INSC: variants seen among roughly 807,000 people sequenced by gnomAD.
INSC encodes INSC spindle orientation adaptor protein, also known as protein inscuteable homolog.
In INSC, 67 loss-of-function variants were observed where a neutral mutation model predicts 58.6. That is an observed-to-expected ratio of 1.14 (90% CI 0.94 to 1.40). The LOEUF is 1.40. Ranked by LOEUF, INSC falls within the 40% of genes most tolerant of loss-of-function variation. The pLI is 0.00. For missense variants in INSC, 714 were observed against 692.0 expected, an observed-to-expected ratio of 1.03 and a Z score of -0.36; for synonymous variants, 262 against 276.1, an observed-to-expected ratio of 0.95 and a Z score of 0.51.
chr11:15,131,072 CTCTTTT>C (rs891033345), intron 1 of INSC, among the ~76,000 whole-genome samples: 2 of 151,754 alleles, frequency 1.3e-5, no homozygotes, highest in African/African-American at 4.8e-5. Flanking sequence ...AATTATTTTC[CTCTTTT>C]TCTAAGTTTC....
the INSC span, among the ~76,000 whole-genome samples, chr11:15,257,753 G>A: frequency 6.6e-6 from 1 of 152,082 alleles, no homozygotes; most frequent in African/African-American, 2.4e-5. Flanking sequence ...TATGCCGCCC[G>A]GAGTCAAAGA....
intron 3 of INSC, 130 bp downstream of exon 3, chr11:15,176,216 G>A (rs985125237): frequency 1.4e-6 from 1 of 740,042 alleles, no homozygotes; most frequent in Non-Finnish European, 2.1e-6. Flanking sequence ...AGTAAAGGAG[G>A]AAAGAAAGAG....
chr11:15,130,906 CT>C (rs559449247), intron 1 of INSC, among the ~76,000 whole-genome samples: 105 of 152,074 alleles, frequency 6.9e-4, no homozygotes, highest in African/African-American at 2.4e-3. Flanking sequence ...TTTGTTTCCT[CT>C]TTTTTCTGAT....
At chr11:15,268,150 A>G in the INSC span, among the ~76,000 whole-genome samples, 6 of 152,132 alleles carry the variant, frequency 3.9e-5, no homozygotes, top group South Asian at 1.2e-3. Context: ...GAGAGAATTT[A>G]CTGTCCCACA....
At chr11:15,133,790 C>G (rs2133709729) in intron 1 of INSC, among the ~76,000 whole-genome samples, 1 of 152,326 alleles carries the variant, frequency 6.6e-6, no homozygotes, top group East Asian at 1.9e-4. Flanking sequence ...CTTTTGGCCT[C>G]TCCAGATTTC....
chr11:15,251,214 A>T (rs963243418), downstream of INSC, among the ~76,000 whole-genome samples: 3 of 152,224 alleles, frequency 2.0e-5, no homozygotes, highest in Admixed American at 2.0e-4. Flanking sequence ...TGCAAAAGTA[A>T]TCCAACTGGA....
At chr11:15,205,331 G>T (rs1420321515) in intron 7 of INSC, among the ~76,000 whole-genome samples, 1 of 152,168 alleles carries the variant, frequency 6.6e-6, no homozygotes, top group Non-Finnish European at 1.5e-5. Context: ...TATTACAGTG[G>T]AGAGACTGAG....
At chr11:15,226,017 C>T (rs1851624919) in intron 9 of INSC, among the ~76,000 whole-genome samples, 189 bp downstream of exon 9, 1 of 152,194 alleles carries the variant, frequency 6.6e-6, no homozygotes. Context: ...CTCCTACCCT[C>T]TTTGCCCATC....
At chr11:15,154,675 A>G (rs1046501547) in intron 2 of INSC, among the ~76,000 whole-genome samples, 5 of 152,206 alleles carry the variant, frequency 3.3e-5, no homozygotes, top group Non-Finnish European at 5.9e-5. Flanking sequence ...GTGTTCTTGG[A>G]CAATTTTTCT....
At chr11:15,234,543 C>T (rs965614112) in intron 9 of INSC, among the ~76,000 whole-genome samples, 1 of 152,210 alleles carries the variant, frequency 6.6e-6, no homozygotes, top group African/African-American at 2.4e-5. Flanking sequence ...ACTGCTGTCT[C>T]AGCGGAGGGG....
chr11:15,268,765 A>G, the INSC span, among the ~76,000 whole-genome samples: 1 of 152,214 alleles, frequency 6.6e-6, no homozygotes, highest in African/African-American at 2.4e-5. Context: ...TGTATGTTTC[A>G]GTTCCTCAGT....
chr11:15,259,413 A>G, the INSC span, among the ~76,000 whole-genome samples: 1 of 152,236 alleles, frequency 6.6e-6, no homozygotes, highest in Non-Finnish European at 1.5e-5. Context: ...AGATAATAAT[A>G]GAGTTAAATA....
chr11:15,141,712 C>A (rs1472861642), intron 1 of INSC, among the ~76,000 whole-genome samples: 1 of 152,044 alleles, frequency 6.6e-6, no homozygotes, highest in African/African-American at 2.4e-5. Context: ...ACTATTGCCA[C>A]CCTTGCACAG....
intron 1 of INSC, among the ~76,000 whole-genome samples, chr11:15,148,496 C>T (rs1848550903): frequency 6.6e-6 from 1 of 152,186 alleles, no homozygotes; most frequent in Non-Finnish European, 1.5e-5. Context: ...GGAGAAAGAA[C>T]GCTTTTCCTA....
intron 7 of INSC, among the ~76,000 whole-genome samples, chr11:15,218,839 GC>G (rs775355558): frequency 2.6e-5 from 4 of 152,138 alleles, no homozygotes; most frequent in Non-Finnish European, 5.9e-5. Flanking sequence ...AATTGCCTTT[GC>G]TCACAATAGC....
chr11:15,141,303 C>T (rs989016102), intron 1 of INSC, among the ~76,000 whole-genome samples: 2 of 152,170 alleles, frequency 1.3e-5, no homozygotes, highest in African/African-American at 2.4e-5. Context: ...TCCAATTAAT[C>T]AGGTGGAGGC....
At position 15,157,691 on chromosome 11, in the gene INSC, C is replaced by T. The variant is rs184062836; in HGVS notation, c.56+8461C>T. 5.9e-5 allele frequency among the ~76,000 whole-genome samples: 9 copies of T among 152,264 alleles called. No individual in the cohort carries two copies. In the East Asian group the frequency reaches 1.5e-3, roughly 26 times the overall value. ...ATGTTCAGCACTAACACAGTCCAAACCTTAATGAGCCACAGTCCCTAGACT... is the reference window on the plus strand; with the variant it reads ...ATGTTCAGCACTAACACAGTCCAAATCTTAATGAGCCACAGTCCCTAGACT... On this transcript the variant is annotated intron_variant, in intron 2 of 12. Transcript: ENST00000379556.
At chr11:15,228,433 C>T (rs1851723693) in intron 9 of INSC, among the ~76,000 whole-genome samples, 1 of 152,188 alleles carries the variant, frequency 6.6e-6, no homozygotes, top group African/African-American at 2.4e-5. Context: ...ACTCCACTGT[C>T]TGAGCCAGGC....
At chr11:15,177,256 G>A in intron 4 of INSC, 93 bp downstream of exon 4, 1 of 929,352 alleles carries the variant, frequency 1.1e-6, no homozygotes, top group Non-Finnish European at 1.8e-6. Flanking sequence ...GAATGGGAAT[G>A]GGAGGCGTGG....
Sources: allele counts gnomAD v4.1 joint callset (sites outside exome capture counted in the v4.1 genomes callset), GRCh38; gene constraint gnomAD v4.1.1; transcripts MANE v1.5; gene names NCBI Gene and HGNC (gene_info 2026-07-23, HGNC 2026-07-21).